HIVEP2: variants seen among roughly 807,000 people sequenced by gnomAD.
The protein encoded by HIVEP2 is HIVEP zinc finger 2, also known as transcription factor HIVEP2.
Under a neutral mutation model 180.7 loss-of-function variants are expected in HIVEP2, and 14 were observed. The observed-to-expected ratio is 0.08, with a 90% CI of 0.05 to 0.12. The LOEUF is 0.12. Among genes scored for constraint, HIVEP2 ranks in the 10% least tolerant of loss-of-function variants. HIVEP2 has a pLI of 1.00. For synonymous variants in HIVEP2, 1,184 were observed against 1,136.4 expected (o/e 1.04, Z -0.84); for missense variants, 2,579 against 3,008.5 (o/e 0.86, Z 3.34).
At chr6:142,921,906 A>C (rs1300635029) in intron 1 of HIVEP2, among the ~76,000 whole-genome samples, 1 of 152,248 alleles carries the variant, frequency 6.6e-6, no homozygotes, top group Non-Finnish European at 1.5e-5. Flanking sequence ...ATCAAACTAC[A>C]TGCTGGCAAT....
At chr6:142,754,736 G>A (rs570944338) in intron 9 of HIVEP2, among the ~76,000 whole-genome samples, 1 of 152,226 alleles carries the variant, frequency 6.6e-6, no homozygotes, top group South Asian at 2.1e-4. Flanking sequence ...TAATTCTTTT[G>A]TTCATATTAT....
At position 142,796,031 on chromosome 6, in the gene HIVEP2, A is replaced by T. The variant is rs1174902065; in HGVS notation, c.-527-12416T>A. 4.0e-5 allele frequency among the ~76,000 whole-genome samples: 6 copies of T among 151,698 alleles called. No individual in the cohort carries two copies. The South Asian group carries it at 8.4e-4, about 21-fold the overall frequency. Reference sequence around the variant, plus strand: ...ATGGGGGAGCCCACGTGGAGAGGACACATGAAAGTGACCTGTCAATTTTAA... The same window carrying T: ...ATGGGGGAGCCCACGTGGAGAGGACTCATGAAAGTGACCTGTCAATTTTAA... On this transcript the variant is annotated intron_variant, in intron 2 of 9. Transcript: ENST00000367603.
intron 2 of HIVEP2, among the ~76,000 whole-genome samples, chr6:142,809,657 G>A (rs111544370): frequency 0.052 from 7,891 of 152,126 alleles, 287 homozygotes; most frequent in Middle Eastern, 0.075. Flanking sequence ...GCAGTGGCAC[G>A]ATCTCAGCTC....
intron 6 of HIVEP2, 126 bp from the exon 7 acceptor site, chr6:142,765,100 TAC>T (rs1775348182): frequency 2.5e-6 from 2 of 804,168 alleles, no homozygotes; most frequent in South Asian, 4.2e-5. Context: ...TATTCAACTT[TAC>T]TTCTACGAAG....
At chr6:142,821,124 T>A (rs1308874682) in intron 2 of HIVEP2, among the ~76,000 whole-genome samples, 7 of 152,184 alleles carry the variant, frequency 4.6e-5, no homozygotes, top group Non-Finnish European at 1.0e-4. Flanking sequence ...ACTAAACTTT[T>A]TGGGTATGAA....
At chr6:142,928,402 T>C (rs1280761757) in intron 1 of HIVEP2, among the ~76,000 whole-genome samples, 1 of 152,180 alleles carries the variant, frequency 6.6e-6, no homozygotes, top group African/African-American at 2.4e-5. Context: ...TCATCCTCGG[T>C]TCTACTGCTT....
At chr6:142,801,021 T>C (rs1317452054) in intron 2 of HIVEP2, among the ~76,000 whole-genome samples, 4 of 152,006 alleles carry the variant, frequency 2.6e-5, no homozygotes, top group Non-Finnish European at 5.9e-5. Flanking sequence ...CACCTCACTA[T>C]ATAGTGTGGG....
chr6:142,791,950 C>T (rs1776148373), intron 2 of HIVEP2, among the ~76,000 whole-genome samples: 3 of 152,190 alleles, frequency 2.0e-5, no homozygotes, highest in South Asian at 4.2e-4. Flanking sequence ...CTTAGAAATG[C>T]TGCATTTAAG....
chr6:142,762,490 AC>A (rs1775273866), intron 7 of HIVEP2, among the ~76,000 whole-genome samples: 2 of 88,124 alleles, frequency 2.3e-5, no homozygotes, highest in African/African-American at 8.7e-5. Context: ...ACACACACAC[AC>A]ACATACATAT....
At chr6:142,887,578 C>T (rs1776733641) in intron 1 of HIVEP2, among the ~76,000 whole-genome samples, 1 of 152,128 alleles carries the variant, frequency 6.6e-6, no homozygotes, top group Non-Finnish European at 1.5e-5. Flanking sequence ...TCAGAGATCA[C>T]CGATTGAATC....
intron 2 of HIVEP2, among the ~76,000 whole-genome samples, chr6:142,796,201 C>T (rs940154272): frequency 1.3e-5 from 2 of 152,176 alleles, no homozygotes; most frequent in South Asian, 4.2e-4. Context: ...GCTCTGAGTA[C>T]GTCCTATCAG....
chr6:142,805,075 T>C (rs1356886222), intron 2 of HIVEP2, among the ~76,000 whole-genome samples: 1 of 152,090 alleles, frequency 6.6e-6, no homozygotes, highest in Non-Finnish European at 1.5e-5. Context: ...GATTGTGAGG[T>C]ATATACCCTT....
intron 2 of HIVEP2, among the ~76,000 whole-genome samples, chr6:142,825,879 C>T (rs1177773176): frequency 6.6e-6 from 1 of 151,850 alleles, no homozygotes; most frequent in Non-Finnish European, 1.5e-5. Context: ...ATTTTTTCAG[C>T]AGACTTTCAA....
intron 1 of HIVEP2, among the ~76,000 whole-genome samples, chr6:142,917,042 C>A (rs577821555): frequency 4.8e-4 from 73 of 152,250 alleles, no homozygotes; most frequent in African/African-American, 1.6e-3. Context: ...ATTTTAAATG[C>A]ACTTCTTCTA....
chr6:142,871,726 C>A (rs1169068728), intron 1 of HIVEP2, among the ~76,000 whole-genome samples: 1 of 152,064 alleles, frequency 6.6e-6, no homozygotes, highest in South Asian at 2.1e-4. Flanking sequence ...TTACTACTAG[C>A]CACTGCAGGC....
intron 1 of HIVEP2, among the ~76,000 whole-genome samples, chr6:142,891,044 G>A (rs1254235187): frequency 6.6e-6 from 1 of 152,036 alleles, no homozygotes; most frequent in Admixed American, 6.6e-5. Flanking sequence ...GTAAAGATAG[G>A]GTCTGCAGTT....
At chr6:142,778,797 C>T (rs1775768726) in intron 3 of HIVEP2, among the ~76,000 whole-genome samples, 1 of 152,128 alleles carries the variant, frequency 6.6e-6, no homozygotes, top group African/African-American at 2.4e-5. Flanking sequence ...CACCACTACT[C>T]TCCATTAAGT....
intron 6 of HIVEP2, among the ~76,000 whole-genome samples, chr6:142,767,890 A>G (rs1363094421): frequency 6.6e-6 from 1 of 152,222 alleles, no homozygotes; most frequent in Non-Finnish European, 1.5e-5. Flanking sequence ...GGATCCTGGG[A>G]CAGAAAAGGA....
intron 1 of HIVEP2, among the ~76,000 whole-genome samples, chr6:142,915,000 CT>C (rs1777515085): frequency 6.6e-6 from 1 of 152,178 alleles, no homozygotes; most frequent in African/African-American, 2.4e-5. Context: ...CCCATTTAAT[CT>C]TCTTTCTATT....
Sources: allele counts gnomAD v4.1 joint callset (sites outside exome capture counted in the v4.1 genomes callset), GRCh38; gene constraint gnomAD v4.1.1; transcripts MANE v1.5; gene names NCBI Gene and HGNC (gene_info 2026-07-23, HGNC 2026-07-21).